EYA1: variants seen among roughly 807,000 people sequenced by gnomAD.
EYA1 encodes the protein protein phosphatase EYA1.
In EYA1, 16 loss-of-function variants were observed where a neutral mutation model predicts 82.0. That is an observed-to-expected ratio of 0.20 (90% CI 0.13 to 0.30). EYA1 has a LOEUF of 0.30. EYA1 is among the 10% of genes least tolerant of loss of function. The probability of loss-of-function intolerance (pLI) is 1.00; values close to 1 mark genes in which losing one functional copy is unlikely to be tolerated. For missense variants in EYA1, 633 were observed against 730.7 expected (o/e 0.87, Z 1.54); for synonymous variants, 261 against 264.4 (o/e 0.99, Z 0.12).
intron 2 of EYA1, among the ~76,000 whole-genome samples, chr8:71,406,503 G>A (rs1304764356): frequency 6.6e-6 from 1 of 152,182 alleles, no homozygotes; most frequent in Non-Finnish European, 1.5e-5. Flanking sequence ...GTGGGCGCAG[G>A]CCAGTGGGTG....
chr8:71,237,585 TA>T (rs1306342067), intron 12 of EYA1, among the ~76,000 whole-genome samples: 1 of 152,044 alleles, frequency 6.6e-6, no homozygotes, highest in Non-Finnish European at 1.5e-5. Context: ...AAAGCATAAA[TA>T]AAAAAATAAT....
chr8:71,273,534 G>A (rs2128955106), intron 9 of EYA1, among the ~76,000 whole-genome samples: 1 of 152,324 alleles, frequency 6.6e-6, no homozygotes, highest in Admixed American at 6.5e-5. Flanking sequence ...AGCTCCAAAT[G>A]AGTAGAATTT....
intron 9 of EYA1, among the ~76,000 whole-genome samples, chr8:71,278,221 T>G (rs1387611948): frequency 6.6e-6 from 1 of 151,962 alleles, no homozygotes; most frequent in East Asian, 1.9e-4. Context: ...CTCTCTCTCT[T>G]AAGTAGATTA....
intron 11 of EYA1, among the ~76,000 whole-genome samples, chr8:71,250,915 C>T (rs993667000): frequency 6.6e-6 from 1 of 152,158 alleles, no homozygotes; most frequent in Non-Finnish European, 1.5e-5. Context: ...CTTTCATTAG[C>T]TGTTAGTGTT....
intron 17 of EYA1, among the ~76,000 whole-genome samples, chr8:71,201,417 A>G (rs562491026): frequency 6.6e-6 from 1 of 152,120 alleles, no homozygotes; most frequent in South Asian, 2.1e-4. Context: ...GCACCATAGC[A>G]CAGGTTCAAA....
intron 11 of EYA1, among the ~76,000 whole-genome samples, chr8:71,269,191 C>G (rs1424610980): frequency 1.3e-5 from 2 of 152,132 alleles, no homozygotes; most frequent in African/African-American, 4.8e-5. Flanking sequence ...ATCTATAATA[C>G]CAATATAAGT....
intron 12 of EYA1, among the ~76,000 whole-genome samples, chr8:71,229,185 C>T (rs966730082): frequency 6.6e-6 from 1 of 152,062 alleles, no homozygotes; most frequent in Admixed American, 6.6e-5. Flanking sequence ...CAGACAATAG[C>T]TGTGTCTACT....
intron 12 of EYA1, among the ~76,000 whole-genome samples, chr8:71,222,916 G>GC (rs2128868542): frequency 6.6e-6 from 1 of 152,220 alleles, no homozygotes; most frequent in African/African-American, 2.4e-5. Context: ...AGCTCTGTCT[G>GC]CCCCACTCTG....
At chr8:71,539,462 G>A (rs763587556) in intron 1 of EYA1, among the ~76,000 whole-genome samples, 15 of 152,182 alleles carry the variant, frequency 9.9e-5, no homozygotes, top group Non-Finnish European at 1.6e-4. Context: ...TGCTTGCATG[G>A]GCATCTGTTG....
chr8:71,346,032 ACACT>A (rs1407903197), intron 3 of EYA1, among the ~76,000 whole-genome samples: 1 of 151,924 alleles, frequency 6.6e-6, no homozygotes, highest in East Asian at 1.9e-4. Context: ...ACACACACAC[ACACT>A]CACTCTTCTG....
Position 71,269,803 on chromosome 8 carries a change from C to G in EYA1, c.987G>C (p.Leu329Phe). 1 of 1,613,626 alleles carries G rather than the reference C, an allele frequency of 6.2e-7. No individual in the cohort carries two copies. Among genetic ancestry groups the G allele is most frequent in the South Asian group, 1.1e-5 (1 of 91,064 alleles). Residue 329 changes from leucine to phenylalanine, a missense_variant, in exon 11 of 18, where the codon TTG becomes TTC. Coordinates refer to ENST00000340726, the MANE Select transcript of EYA1 (RefSeq NM_000503.6). ...AGTGGAAAACAATGATTGTCTCATC[C>G]AAGTCCCAGATGAACACTCTCTACA... ...SDLERVFIWD[L>F]DETIIVFHSL...
In EYA1 at chr8:71,198,421, GTC is replaced by G. The variant is rs1323781946; in HGVS notation, c.*917_*918del. The G allele has an allele frequency of 6.6e-6, 1 of 152,110 alleles. No homozygotes were observed. Among genetic ancestry groups the G allele is most frequent in the Non-Finnish European group, 1.5e-5 (1 of 67,956 alleles). The allele number at this position is 152,110 out of a possible 1,614,324, so 9.4% of individuals were successfully genotyped here. On this transcript the variant is annotated 3_prime_UTR_variant, in exon 18 of 18. Coordinates refer to ENST00000340726, the MANE Select transcript of EYA1 (RefSeq NM_000503.6). ...CTGACACTTGACATCCATGCTTTTG[GTC>G]TTGACAACATTATCTAAAAAAAAAA...
At chr8:71,518,826 C>T (rs1813177482) in intron 2 of EYA1, among the ~76,000 whole-genome samples, 1 of 152,108 alleles carries the variant, frequency 6.6e-6, no homozygotes, top group Non-Finnish European at 1.5e-5. Context: ...TTAGTATATA[C>T]ATTACTTTAT....
chr8:71,245,621 G>A (rs1465305104), intron 11 of EYA1, among the ~76,000 whole-genome samples: 3 of 151,760 alleles, frequency 2.0e-5, no homozygotes. Flanking sequence ...TTCCAGTGTG[G>A]CCCAGGGAAG....
intron 2 of EYA1, among the ~76,000 whole-genome samples, chr8:71,378,203 C>G: frequency 6.6e-6 from 1 of 152,106 alleles, no homozygotes; most frequent in Admixed American, 6.5e-5. Context: ...CCTCCCACCC[C>G]CAGTCTTCCT....
chr8:71,457,659 G>A (rs1214438838), intron 2 of EYA1, among the ~76,000 whole-genome samples: 2 of 152,038 alleles, frequency 1.3e-5, no homozygotes, highest in African/African-American at 4.8e-5. Context: ...ACTATCACAA[G>A]GACAAAAAAC....
chr8:71,266,858 A>G (rs1298380251), intron 11 of EYA1, among the ~76,000 whole-genome samples: 2 of 152,044 alleles, frequency 1.3e-5, no homozygotes, highest in African/African-American at 4.8e-5. Flanking sequence ...CAAATATACG[A>G]CTATTTTCTC....
At chr8:71,430,991 G>A (rs1249658667) in intron 2 of EYA1, among the ~76,000 whole-genome samples, 2 of 151,996 alleles carry the variant, frequency 1.3e-5, no homozygotes, top group Non-Finnish European at 2.9e-5. Context: ...GTAGAGTCAA[G>A]GTAGACACCC....
chr8:71,433,585 A>G (rs945085458), intron 2 of EYA1, among the ~76,000 whole-genome samples: 1 of 152,250 alleles, frequency 6.6e-6, no homozygotes, highest in African/African-American at 2.4e-5. Context: ...AGCAAAGACC[A>G]GAAACAGGCA....
Sources: allele counts gnomAD v4.1 joint callset (sites outside exome capture counted in the v4.1 genomes callset), GRCh38; gene constraint gnomAD v4.1.1; transcripts MANE v1.5; gene names NCBI Gene and HGNC (gene_info 2026-07-23, HGNC 2026-07-21).